Variants in PRDM10 observed in about 807,000 individuals in gnomAD.
The protein encoded by PRDM10 is PR/SET domain 10, also known as PR domain zinc finger protein 10.
In PRDM10, 65 loss-of-function variants were observed where a neutral mutation model predicts 133.1. That is an observed-to-expected ratio of 0.49 (90% CI 0.40 to 0.60). The LOEUF is 0.60. Among genes scored for constraint, PRDM10 ranks in the 20% least tolerant of loss-of-function variants. The pLI, the probability that PRDM10 is intolerant of heterozygous loss-of-function variation, is 0.00. For missense variants in PRDM10, 1,137 were observed against 1,507.1 expected, an observed-to-expected ratio of 0.75 and a Z score of 4.07; for synonymous variants, 582 against 580.4, an observed-to-expected ratio of 1.00 and a Z score of -0.04.
At chr11:129,981,644 C>T (rs1938117518) in intron 1 of PRDM10, among the ~76,000 whole-genome samples, 1 of 151,968 alleles carries the variant, frequency 6.6e-6, no homozygotes, top group Non-Finnish European at 1.5e-5. Flanking sequence ...GACTGCAATC[C>T]CAGCACTTTG....
At chr11:130,002,564 C>G (rs910015251) in intron 1 of PRDM10, among the ~76,000 whole-genome samples, 158 bp downstream of exon 1, 1 of 151,894 alleles carries the variant, frequency 6.6e-6, no homozygotes, top group Non-Finnish European at 1.5e-5. Context: ...TCCCCCCCCA[C>G]CCGGGTCCGC....
At chr11:129,905,816 G>A (rs1949999089) in intron 19 of PRDM10, 75 bp from the exon 20 acceptor site, 14 of 1,235,760 alleles carry the variant, frequency 1.1e-5, no homozygotes, top group Middle Eastern at 1.9e-4. Context: ...AACATAACCA[G>A]TAGCCACAGT....
At chr11:129,982,507 C>G (rs1232240597) in intron 1 of PRDM10, among the ~76,000 whole-genome samples, 1 of 152,110 alleles carries the variant, frequency 6.6e-6, no homozygotes, top group Non-Finnish European at 1.5e-5. Context: ...TACATTCACA[C>G]ACAAAGAAAT....
chr11:129,972,631 C>T (rs1185616045), intron 1 of PRDM10, among the ~76,000 whole-genome samples: 2 of 152,200 alleles, frequency 1.3e-5, no homozygotes, highest in Admixed American at 1.3e-4. Flanking sequence ...AGACTTCTAA[C>T]ACTCTTACCC....
chr11:129,954,266 ATT>A (rs869088706), intron 4 of PRDM10, among the ~76,000 whole-genome samples: 1,559 of 96,096 alleles, frequency 0.016, 28 homozygotes, highest in African/African-American at 0.082. Context: ...TAATTTATTT[ATT>A]TTTTTTTTTT....
chr11:129,996,067 C>T (rs908208484), intron 1 of PRDM10, among the ~76,000 whole-genome samples: 1 of 152,194 alleles, frequency 6.6e-6, no homozygotes, highest in Non-Finnish European at 1.5e-5. Context: ...AAGTAAAAGG[C>T]ACTCATTTAT....
Position 129,945,063 on chromosome 11 carries a change from T to G in PRDM10, c.521-51A>C, listed in dbSNP as rs2135875384. On this transcript the variant is annotated intron_variant, in intron 5 of 20. Coordinates refer to ENST00000360871, the MANE Select transcript of PRDM10 (RefSeq NM_199437.2). The surrounding 1 kb of genome is among the most constrained non-coding windows in gnomAD (Gnocchi z 4.2). ...AAAAGTCCAATTCCTCAGTGTGACTTGATGTGAGGTAAAAAATTCTGACCC... is the reference window on the plus strand; with the variant it reads ...AAAAGTCCAATTCCTCAGTGTGACTGGATGTGAGGTAAAAAATTCTGACCC... 1 of 1,586,302 alleles carries G rather than the reference T, an allele frequency of 6.3e-7. No individual in the cohort carries two copies.
chr11:129,930,561 C>G (rs1228255423), intron 11 of PRDM10, among the ~76,000 whole-genome samples: 1 of 152,204 alleles, frequency 6.6e-6, no homozygotes, highest in African/African-American at 2.4e-5. Context: ...ACACAGGTCA[C>G]TTTACATTGA....
chr11:130,001,222 A>G (rs1187866774), intron 1 of PRDM10, among the ~76,000 whole-genome samples: 2 of 152,184 alleles, frequency 1.3e-5, no homozygotes, highest in Admixed American at 1.3e-4. Context: ...TCTCTATTCT[A>G]GAACAACAAA....
chr11:129,936,703 A>T (rs1951044566), intron 8 of PRDM10, among the ~76,000 whole-genome samples: 1 of 151,738 alleles, frequency 6.6e-6, no homozygotes, highest in African/African-American at 2.4e-5. Flanking sequence ...CATTCTTGTG[A>T]ATTATCAAAC....
chr11:129,977,329 G>C (rs1318044248), intron 1 of PRDM10, among the ~76,000 whole-genome samples: 1 of 150,568 alleles, frequency 6.6e-6, no homozygotes, highest in Non-Finnish European at 1.5e-5. Context: ...CTGTCGCCAG[G>C]CTGGAATGCA....
chr11:129,937,335 A>G (rs187754153), intron 8 of PRDM10, among the ~76,000 whole-genome samples: 1 of 152,390 alleles, frequency 6.6e-6, no homozygotes, highest in African/African-American at 2.4e-5. Context: ...AAATCTGGAT[A>G]GGAATCGTCC....
chr11:129,987,979 C>A (rs1243657995), intron 1 of PRDM10, among the ~76,000 whole-genome samples: 1 of 151,820 alleles, frequency 6.6e-6, no homozygotes, highest in African/African-American at 2.4e-5. Context: ...CTGGCCTGGG[C>A]GAAAGAGTGA....
rs540188937 is a variant in PRDM10 at position 129,958,187 on chromosome 11, C to T, written c.70-277G>A. ...GGGCGTGGTTAATTGATCCTGGAAA[C>T]GACACTGAAGATTCCTGCCTGACAA... On this transcript the variant is annotated intron_variant, in intron 2 of 20. Coordinates refer to ENST00000360871, the MANE Select transcript of PRDM10 (RefSeq NM_199437.2). Among the ~76,000 whole-genome samples, 8 of 152,252 alleles carry T rather than the reference C, an allele frequency of 5.3e-5. No homozygotes were observed. The South Asian group carries it at 6.2e-4, about 12-fold the overall frequency.
chr11:129,992,753 AT>A (rs1938822869), intron 1 of PRDM10, among the ~76,000 whole-genome samples: 1 of 152,258 alleles, frequency 6.6e-6, no homozygotes, highest in African/African-American at 2.4e-5. Context: ...AAGAATACTT[AT>A]TAAATGCCTA....
chr11:129,921,615 A>C (rs1950524933), intron 13 of PRDM10, among the ~76,000 whole-genome samples: 1 of 152,222 alleles, frequency 6.6e-6, no homozygotes, highest in Non-Finnish European at 1.5e-5. Flanking sequence ...CTACTTTGAA[A>C]ATATGCCAGG....
intron 19 of PRDM10, among the ~76,000 whole-genome samples, chr11:129,909,490 G>A (rs557441621): frequency 1.5e-4 from 23 of 151,834 alleles, no homozygotes; most frequent in African/African-American, 4.1e-4. Context: ...ATAACTAGAC[G>A]GTAGAGTTTG....
intron 1 of PRDM10, among the ~76,000 whole-genome samples, chr11:129,965,154 T>C (rs1951878901): frequency 1.3e-5 from 2 of 150,566 alleles, no homozygotes; most frequent in South Asian, 2.1e-4. Flanking sequence ...AAGACAGGAG[T>C]TGCTTGAACG....
rs140620183 is a variant in PRDM10, at chr11:129,931,047, G to C, written c.1499C>G (p.Ala500Gly). 7.2e-5 allele frequency: 116 copies of C among 1,613,912 alleles called. No homozygotes were observed. Among genetic ancestry groups the C allele is most frequent in the Non-Finnish European group, 9.6e-5 (113 of 1,179,912 alleles). The change falls in exon 11 of 21, where the codon GCC (alanine) becomes GGC (glycine). Residue 500 changes from alanine (A) to glycine (G), a missense_variant. Physicochemically the swap from Ala to Gly is moderately conservative, Grantham distance 60. Around this residue, in one of 6 missense-constraint regions of PRDM10, gnomAD observed 635 missense variants for 835.2 expected, o/e 0.76. Transcript: ENST00000360871. ...SVVPTQSTLT[A>G]DDMRRAKRIR... Reference sequence around the variant, plus strand: ...GCGCTTGGCTCTGCGCATGTCGTCGGCTGTCAGCGTGCTCTGGGTGGGCAC... The same window carrying C: ...GCGCTTGGCTCTGCGCATGTCGTCGCCTGTCAGCGTGCTCTGGGTGGGCAC...
Sources: gnomAD v4.1 joint callset for allele counts (sites outside exome capture counted in the v4.1 genomes callset) on GRCh38, gnomAD v4.1.1 for gene constraint, gnomAD v4.1.1 regional missense constraint, Gnocchi (gnomAD v3.1) non-coding constraint, MANE v1.5 for transcripts, NCBI Gene and HGNC (gene_info 2026-07-23, HGNC 2026-07-21) for gene names.